The following DMD variants were observed in gnomAD, a reference collection of about 807,000 sequenced individuals.
DMD encodes mutant dystrophin.
In DMD, 63 loss-of-function variants were observed where a neutral mutation model predicts 330.1. The ratio of observed to expected loss-of-function variants is 0.19; its 90% CI spans 0.16 to 0.24. The LOEUF (loss-of-function observed/expected upper bound fraction) is 0.24. DMD is among the 10% of genes least tolerant of loss of function. The pLI is 1.00. For synonymous variants in DMD, 1,223 were observed against 959.8 expected, an observed-to-expected ratio of 1.27 and a Z score of -5.07; for missense variants, 3,344 against 2,684.1, an observed-to-expected ratio of 1.25 and a Z score of -5.43.
At chrX:31,126,451 C>T (rs1212168012) in intron 78 of DMD, among the ~76,000 whole-genome samples, 191 bp downstream of exon 78, 1 of 111,820 alleles carries the variant, frequency 8.9e-6, no homozygotes, top group Non-Finnish European at 1.9e-5. Flanking sequence ...ATGGTGATGA[C>T]AACGGCAATG....
intron 30 of DMD, among the ~76,000 whole-genome samples, chrX:32,410,343 C>A (rs887970506): frequency 4.5e-5 from 5 of 111,493 alleles, no homozygotes; most frequent in Non-Finnish European, 1.9e-5. Flanking sequence ...ATAATATTCC[C>A]TGGACTTTTT....
chrX:31,907,611 A>G (rs1319516251), intron 47 of DMD, among the ~76,000 whole-genome samples: 2 of 112,140 alleles, frequency 1.8e-5, no homozygotes, highest in African/African-American at 6.5e-5. Context: ...AAACCATAAA[A>G]CCCTAGAAGA....
chrX:32,217,881 A>G lies in DMD; in HGVS notation c.6291-818T>C, dbSNP rs748193919. Among the ~76,000 whole-genome samples, 6 of 112,390 alleles carry G rather than the reference A, an allele frequency of 5.3e-5. No individual in the cohort carries two copies. The East Asian group carries it at 8.4e-4, about 16-fold the overall frequency. The stretch of plus-strand genomic sequence containing the variant: ...CAATATTTAAAATAAGATGACAGAT[A>G]TAATTCATATTGTAGGCTCACATGT... On this transcript the variant is annotated intron_variant, in intron 43 of 78. Transcript: ENST00000357033.
chrX:32,887,617 G>A (rs1353176410), intron 2 of DMD, among the ~76,000 whole-genome samples: 9 of 103,728 alleles, frequency 8.7e-5, no homozygotes, highest in Non-Finnish European at 1.6e-4. Context: ...TCGTTGTGGT[G>A]AGCGCCTGTA....
At chrX:31,592,359 C>T (rs1384613354) in intron 55 of DMD, among the ~76,000 whole-genome samples, 8 of 95,264 alleles carry the variant, frequency 8.4e-5, no homozygotes, top group African/African-American at 3.1e-4. Context: ...TAAATGTATA[C>T]ATATATTCTA....
chrX:31,157,260 AATCTTT>A (rs769130097), intron 74 of DMD, among the ~76,000 whole-genome samples: 61 of 112,175 alleles, frequency 5.4e-4, no homozygotes, highest in Admixed American at 2.8e-4. Context: ...TCAGTTTCTT[AATCTTT>A]AATGACTGAG....
At chrX:32,793,059 A>G (rs1362804335) in intron 7 of DMD, among the ~76,000 whole-genome samples, 3 of 112,156 alleles carry the variant, frequency 2.7e-5, no homozygotes, top group Middle Eastern at 4.6e-3. Flanking sequence ...TTATGACAGA[A>G]TATGTCTTAA....
At chrX:32,235,830 TGTTTTA>T (rs1365921453) in intron 43 of DMD, among the ~76,000 whole-genome samples, 2 of 111,482 alleles carry the variant, frequency 1.8e-5, no homozygotes, top group South Asian at 3.7e-4. Context: ...AACAGACTAT[TGTTTTA>T]GTTTTAGTGT....
chrX:31,363,769 G>A (rs1223323220), intron 60 of DMD, among the ~76,000 whole-genome samples: 7 of 111,753 alleles, frequency 6.3e-5, no homozygotes, highest in South Asian at 7.6e-4. Context: ...TCTATCCCAC[G>A]AATTATAGAG....
At chrX:31,361,271 C>T (rs1368124183) in intron 60 of DMD, among the ~76,000 whole-genome samples, 2 of 111,361 alleles carry the variant, frequency 1.8e-5, no homozygotes, top group Non-Finnish European at 3.8e-5. Flanking sequence ...GGACTTAAAT[C>T]TGGAAAGTAT....
chrX:33,166,245 C>T (rs2049045699), intron 1 of DMD, among the ~76,000 whole-genome samples: 1 of 110,593 alleles, frequency 9.0e-6, no homozygotes, highest in Non-Finnish European at 1.9e-5. Context: ...TATCAATCAT[C>T]GCTGAGAAAA....
intron 44 of DMD, among the ~76,000 whole-genome samples, chrX:32,179,025 CCCTT>C (rs1435178118): frequency 6.6e-4 from 71 of 107,621 alleles, no homozygotes; most frequent in Non-Finnish European, 1.9e-4. Flanking sequence ...ATCTCTCTCT[CCCTT>C]CCTCTTAAAG....
chrX:32,865,096 T>TAAGG (rs1318600838), intron 2 of DMD, among the ~76,000 whole-genome samples: 1 of 111,657 alleles, frequency 9.0e-6, no homozygotes, highest in Non-Finnish European at 1.9e-5. Context: ...TGAACACTGA[T>TAAGG]AAATTACATA....
At chrX:32,160,000 C>T (rs1325423907) in intron 44 of DMD, among the ~76,000 whole-genome samples, 7 of 110,960 alleles carry the variant, frequency 6.3e-5, no homozygotes, top group East Asian at 2.9e-4. Flanking sequence ...CTGGAGGCTA[C>T]GGGAAGCTAC....
intron 26 of DMD, among the ~76,000 whole-genome samples, chrX:32,452,322 T>G (rs56010763): frequency 0.065 from 730 of 11,149 alleles, 237 homozygotes; most frequent in East Asian, 0.32. Context: ...AAAGTGAAAG[T>G]GAAAGTGAAA....
At chrX:31,826,262 C>T (rs182215656) in intron 49 of DMD, among the ~76,000 whole-genome samples, 1 of 111,966 alleles carries the variant, frequency 8.9e-6, no homozygotes, top group African/African-American at 3.2e-5. Flanking sequence ...AATTAAATGG[C>T]ACTACCAATG....
chrX:33,233,197 TATTA>T (rs1488088060), intron 1 of DMD, among the ~76,000 whole-genome samples: 2 of 111,811 alleles, frequency 1.8e-5, no homozygotes, highest in African/African-American at 3.3e-5. Flanking sequence ...TACAAACAAA[TATTA>T]ATTGTCAATG....
chrX:32,876,705 T>C (rs2083408969), intron 2 of DMD, among the ~76,000 whole-genome samples: 1 of 111,834 alleles, frequency 8.9e-6, no homozygotes, highest in African/African-American at 3.3e-5. Context: ...AATCCCCTAC[T>C]AAAACTAGCA....
intron 7 of DMD, among the ~76,000 whole-genome samples, chrX:32,772,982 C>T (rs1359913747): frequency 2.7e-5 from 3 of 111,927 alleles, no homozygotes; most frequent in Non-Finnish European, 1.9e-5. Context: ...ACCAATCTGT[C>T]GAGAGCATAC....
Sources: gnomAD v4.1 joint callset for allele counts (sites outside exome capture counted in the v4.1 genomes callset) on GRCh38, gnomAD v4.1.1 for gene constraint, MANE v1.5 for transcripts, NCBI Gene and HGNC (gene_info 2026-07-23, HGNC 2026-07-21) for gene names.